Variants in SLC16A12 observed in about 807,000 individuals in gnomAD.
SLC16A12 encodes the protein solute carrier family 16 member 12.
A neutral mutation model predicts 42.4 loss-of-function variants in SLC16A12; 17 were observed. That is an observed-to-expected ratio of 0.40 (90% confidence interval 0.27 to 0.60). The LOEUF (loss-of-function observed/expected upper bound fraction) is 0.60. SLC16A12 is among the 20% of genes least tolerant of loss of function. The pLI, the probability that SLC16A12 is intolerant of heterozygous loss-of-function variation, is 0.42. For missense variants in SLC16A12, 544 were observed against 623.0 expected, an observed-to-expected ratio of 0.87 and a Z score of 1.35; for synonymous variants, 224 against 229.4, an observed-to-expected ratio of 0.98 and a Z score of 0.21.
intron 2 of SLC16A12, among the ~76,000 whole-genome samples, chr10:89,547,797 G>C (rs561701478): frequency 3.9e-5 from 6 of 152,076 alleles, no homozygotes; most frequent in Admixed American, 2.6e-4. Flanking sequence ...AGAAGTTCAA[G>C]ACCAGCCTGG....
At position 89,438,879 on chromosome 10, in the gene SLC16A12, C is replaced by T. The variant is rs370866587; in HGVS notation, c.753G>A (p.Arg251=). ...VCRTQKEDIK[R]VSPYSSLTKE... ...TGGTCAAAGATGAATAGGGAGACACCCGCTTAATGTCTTCTTTCTGAGTTC... is the reference window on the plus strand; with the variant it reads ...TGGTCAAAGATGAATAGGGAGACACTCGCTTAATGTCTTCTTTCTGAGTTC... The change falls in exon 6 of 8, where the codon CGG becomes CGA. Residue 251 remains arginine (R), a synonymous_variant. Transcript: ENST00000371790. 1.9e-6 allele frequency: 3 copies of T among 1,612,392 alleles called. No individual in the cohort carries two copies. In the East Asian group the frequency reaches 6.7e-5, roughly 36 times the overall value.
intron 2 of SLC16A12, among the ~76,000 whole-genome samples, chr10:89,530,660 T>G (rs1043010051): frequency 2.0e-5 from 3 of 152,040 alleles, no homozygotes; most frequent in Non-Finnish European, 4.4e-5. Flanking sequence ...ACCTTGTGAT[T>G]TGCCCGCCCC....
At chr10:89,465,508 A>T (rs1842379291) in intron 2 of SLC16A12, among the ~76,000 whole-genome samples, 2 of 152,068 alleles carry the variant, frequency 1.3e-5, no homozygotes, top group African/African-American at 4.8e-5. Context: ...TGTCCTTAAC[A>T]CTCTGGAGCT....
intron 2 of SLC16A12, among the ~76,000 whole-genome samples, chr10:89,472,262 CACA>C (rs1047341084): frequency 6.7e-6 from 1 of 149,502 alleles, no homozygotes; most frequent in Non-Finnish European, 1.5e-5. Flanking sequence ...ATAGATTCAA[CACA>C]ACATGTGCAT....
At chr10:89,540,928 C>CT (rs1257162396) in intron 2 of SLC16A12, among the ~76,000 whole-genome samples, 131 of 144,116 alleles carry the variant, frequency 9.1e-4, no homozygotes, top group African/African-American at 1.4e-3. Flanking sequence ...TTTTTTTTCC[C>CT]TTTTTTTTTT....
intron 2 of SLC16A12, among the ~76,000 whole-genome samples, chr10:89,498,938 T>C (rs1842959842): frequency 6.6e-6 from 1 of 152,146 alleles, no homozygotes; most frequent in African/African-American, 2.4e-5. Flanking sequence ...GGGAGAGTAC[T>C]ACATCAACGG....
chr10:89,459,433 G>A (rs1842255475), intron 3 of SLC16A12, among the ~76,000 whole-genome samples: 1 of 151,904 alleles, frequency 6.6e-6, no homozygotes, highest in Admixed American at 6.6e-5. Flanking sequence ...TGCAGGGGCA[G>A]GTAGAAGTGT....
chr10:89,530,892 T>C (rs984168149), intron 2 of SLC16A12, among the ~76,000 whole-genome samples: 2 of 152,216 alleles, frequency 1.3e-5, no homozygotes, highest in African/African-American at 4.8e-5. Flanking sequence ...CATTTGCTTA[T>C]TATGGACATT....
intron 2 of SLC16A12, among the ~76,000 whole-genome samples, chr10:89,547,632 A>T (rs911898846): frequency 6.6e-6 from 1 of 152,214 alleles, no homozygotes; most frequent in East Asian, 1.9e-4. Context: ...GTATGTGATC[A>T]TTTTGTTTCA....
intron 5 of SLC16A12, among the ~76,000 whole-genome samples, chr10:89,440,051 C>A (rs1357164009): frequency 7.9e-6 from 1 of 126,474 alleles, no homozygotes; most frequent in East Asian, 2.3e-4. Flanking sequence ...AGCCTGAGGA[C>A]CGAGCCAGAT....
chr10:89,447,773 G>C (rs1418411854), intron 3 of SLC16A12, among the ~76,000 whole-genome samples: 1 of 152,164 alleles, frequency 6.6e-6, no homozygotes, highest in Non-Finnish European at 1.5e-5. Context: ...AGAACTGAAG[G>C]AGACAGAGAC....
intron 3 of SLC16A12, among the ~76,000 whole-genome samples, chr10:89,459,337 T>C (rs1204489463): frequency 6.6e-6 from 1 of 152,008 alleles, no homozygotes; most frequent in East Asian, 1.9e-4. Context: ...ACCCATGTCT[T>C]ATAATACACA....
intron 2 of SLC16A12, among the ~76,000 whole-genome samples, chr10:89,495,822 G>A (rs1484768374): frequency 1.3e-5 from 2 of 152,180 alleles, no homozygotes; most frequent in Non-Finnish European, 2.9e-5. Flanking sequence ...TCATGAGAAA[G>A]TTGTCTTACT....
intron 2 of SLC16A12, among the ~76,000 whole-genome samples, chr10:89,513,093 T>C (rs904202266): frequency 1.3e-5 from 2 of 152,236 alleles, no homozygotes; most frequent in Non-Finnish European, 2.9e-5. Flanking sequence ...GTTTTTCCTA[T>C]TGAGTACTTA....
chr10:89,433,632 A>C (rs1323453611), intron 7 of SLC16A12, among the ~76,000 whole-genome samples: 2 of 152,198 alleles, frequency 1.3e-5, no homozygotes, highest in African/African-American at 4.8e-5. Flanking sequence ...AAAAGATAAA[A>C]ATAGCATCAT....
Position 89,478,686 on chromosome 10 carries a change from A to G in SLC16A12, c.-46-16062T>C, listed in dbSNP as rs548211585. 5.3e-5 allele frequency among the ~76,000 whole-genome samples: 8 copies of G among 152,350 alleles called. No individual in the cohort carries two copies. In the East Asian group the frequency reaches 9.6e-4, roughly 18 times the overall value. On this transcript the variant is annotated intron_variant, in intron 2 of 7. Coordinates refer to ENST00000371790, the MANE Select transcript of SLC16A12 (RefSeq NM_213606.4). ...ATCACCTTTATTTAAATGGACAACT[A>G]TAAAATCTGCATCTCTGCTTCCGAT...
chr10:89,527,924 A>C (rs542119950), intron 2 of SLC16A12, among the ~76,000 whole-genome samples: 51 of 152,328 alleles, frequency 3.3e-4, no homozygotes, highest in African/African-American at 1.1e-3. Context: ...TTTCTCAAAA[A>C]CAATAAATCC....
At chr10:89,498,399 C>T (rs1437959729) in intron 2 of SLC16A12, among the ~76,000 whole-genome samples, 1 of 152,076 alleles carries the variant, frequency 6.6e-6, no homozygotes, top group African/African-American at 2.4e-5. Flanking sequence ...AACAATGATT[C>T]CCTGTTTATG....
intron 6 of SLC16A12, among the ~76,000 whole-genome samples, chr10:89,437,918 T>G (rs1212997325): frequency 6.6e-6 from 1 of 152,202 alleles, no homozygotes; most frequent in Non-Finnish European, 1.5e-5. Context: ...TTACTTGCAA[T>G]TTGCATTGTC....
Sources: allele counts gnomAD v4.1 joint callset (sites outside exome capture counted in the v4.1 genomes callset), GRCh38; gene constraint gnomAD v4.1.1; transcripts MANE v1.5; gene names NCBI Gene and HGNC (gene_info 2026-07-23, HGNC 2026-07-21).